The following IPO11 variants were observed in gnomAD, a reference collection of about 807,000 sequenced individuals.
IPO11 encodes the protein importin-11.
IPO11 carries 66 observed loss-of-function variants against 143.2 expected under a neutral mutation model. The ratio of observed to expected loss-of-function variants is 0.46; its 90% CI spans 0.38 to 0.57. The LOEUF (loss-of-function observed/expected upper bound fraction) is 0.57. Ranked by LOEUF, IPO11 falls within the 20% of genes least tolerant of loss-of-function variation. The probability of loss-of-function intolerance (pLI) is 0.00; values close to 1 mark genes in which losing one functional copy is unlikely to be tolerated. For synonymous variants in IPO11, 385 were observed against 377.8 expected, an observed-to-expected ratio of 1.02 and a Z score of -0.22; for missense variants, 1,026 against 1,141.0, an observed-to-expected ratio of 0.90 and a Z score of 1.45.
chr5:62,443,435 G>A (rs1744582085), intron 3 of IPO11, among the ~76,000 whole-genome samples: 1 of 149,196 alleles, frequency 6.7e-6, no homozygotes, highest in African/African-American at 2.5e-5. Context: ...GTGTGCGTGT[G>A]CGTGTGATGT....
intron 2 of IPO11, among the ~76,000 whole-genome samples, chr5:62,439,271 A>T (rs1000923165): frequency 1.3e-5 from 2 of 148,570 alleles, no homozygotes; most frequent in Non-Finnish European, 3.0e-5. Context: ...TATTAATAAT[A>T]CTAACTGCGT....
chr5:62,486,933 C>T lies in IPO11; in HGVS notation c.1219-838C>T, dbSNP rs187750588. Among the ~76,000 whole-genome samples the T allele has an allele frequency of 1.1e-4, 17 of 151,780 alleles. No homozygotes were observed. The East Asian group carries it at 3.3e-3, about 29-fold the overall frequency. ...TTTCAGTGTGTATATTTATAATGTTCCTTTTAAAACACCACACAATACCTT... is the reference window on the plus strand; with the variant it reads ...TTTCAGTGTGTATATTTATAATGTTTCTTTTAAAACACCACACAATACCTT... On this transcript the variant is annotated intron_variant, in intron 12 of 29. Coordinates refer to ENST00000325324, the MANE Select transcript of IPO11 (RefSeq NM_016338.5).
intron 28 of IPO11, among the ~76,000 whole-genome samples, chr5:62,600,717 C>T (rs553267119): frequency 6.6e-5 from 10 of 152,284 alleles, no homozygotes; most frequent in Admixed American, 6.5e-4. Context: ...ATTGCAGCCC[C>T]AGGTCAAGGC....
chr5:62,551,084 A>G (rs1743375520), intron 25 of IPO11, 139 bp from the exon 26 acceptor site: 2 of 449,240 alleles, frequency 4.5e-6, no homozygotes, highest in Non-Finnish European at 4.0e-6. Context: ...GAACTCAGGC[A>G]GTATTGATAG....
chr5:62,468,707 C>T (rs954658213), intron 6 of IPO11, among the ~76,000 whole-genome samples: 4 of 152,112 alleles, frequency 2.6e-5, no homozygotes, highest in African/African-American at 4.8e-5. Flanking sequence ...TAACTCCTGA[C>T]GAAAAAGATG....
At chr5:62,490,956 T>C (rs1211069918) in intron 15 of IPO11, among the ~76,000 whole-genome samples, 1 of 152,146 alleles carries the variant, frequency 6.6e-6, no homozygotes, top group Non-Finnish European at 1.5e-5. Flanking sequence ...ATTTAAGCAC[T>C]TGTCTACTTA....
intron 5 of IPO11, among the ~76,000 whole-genome samples, chr5:62,465,854 GC>G (rs2112190454): frequency 6.6e-6 from 1 of 152,352 alleles, no homozygotes; most frequent in Admixed American, 6.5e-5. Flanking sequence ...CTTCCTGTGG[GC>G]CTTGTCTCAT....
chr5:62,563,779 C>G (rs571257498), intron 27 of IPO11, among the ~76,000 whole-genome samples: 80 of 151,946 alleles, frequency 5.3e-4, no homozygotes, highest in Middle Eastern at 3.4e-3. Flanking sequence ...TTCTGGCACT[C>G]AAAAAAATCT....
chr5:62,485,546 A>G (rs982914412), intron 12 of IPO11, 84 bp downstream of exon 12: 2 of 1,096,124 alleles, frequency 1.8e-6, no homozygotes, highest in Non-Finnish European at 2.7e-6. Context: ...TCTATTAAAG[A>G]TTCCAGACAT....
At chr5:62,579,796 A>G in intron 27 of IPO11, 1 of 1,544,106 alleles carries the variant, frequency 6.5e-7, no homozygotes, top group Non-Finnish European at 8.8e-7. Context: ...TAATAATTTC[A>G]TCAAACGCTT....
intron 26 of IPO11, among the ~76,000 whole-genome samples, chr5:62,556,997 C>G (rs1743596495): frequency 6.6e-6 from 1 of 152,172 alleles, no homozygotes; most frequent in African/African-American, 2.4e-5. Context: ...GATGTATTCA[C>G]ATGTCCAGCC....
At chr5:62,589,415 G>A (rs1185876500) in intron 27 of IPO11, among the ~76,000 whole-genome samples, 3 of 152,080 alleles carry the variant, frequency 2.0e-5, no homozygotes, top group Non-Finnish European at 4.4e-5. Context: ...ATTGGATTGA[G>A]CCGAAGTCAC....
intron 29 of IPO11, among the ~76,000 whole-genome samples, chr5:62,625,733 G>A (rs1746544709): frequency 6.6e-6 from 1 of 152,188 alleles, no homozygotes; most frequent in African/African-American, 2.4e-5. Context: ...GGAGACATCA[G>A]CTTTTATCTC....
chr5:62,472,548 G>A (rs78832778), intron 7 of IPO11, among the ~76,000 whole-genome samples: 1 of 67,750 alleles, frequency 1.5e-5, no homozygotes, highest in Non-Finnish European at 3.1e-5. Context: ...TTTTTTTTTT[G>A]AGACAGTCTC....
intron 16 of IPO11, among the ~76,000 whole-genome samples, chr5:62,498,356 C>T (rs554177034): frequency 6.6e-6 from 1 of 152,166 alleles, no homozygotes; most frequent in African/African-American, 2.4e-5. Flanking sequence ...TTCTCCCTTC[C>T]TTTCCCCTTT....
At chr5:62,625,518 A>C (rs141608330) in intron 29 of IPO11, among the ~76,000 whole-genome samples, 80 of 152,358 alleles carry the variant, frequency 5.3e-4, no homozygotes, top group African/African-American at 1.8e-3. Context: ...TCTCTTGCTA[A>C]TGACTGAAGC....
chr5:62,542,681 G>A (rs1743002557), intron 24 of IPO11, among the ~76,000 whole-genome samples: 1 of 152,142 alleles, frequency 6.6e-6, no homozygotes, highest in African/African-American at 2.4e-5. Context: ...GGAGCAAATG[G>A]TGTAGAGCAA....
intron 22 of IPO11, 96 bp from the exon 23 acceptor site, chr5:62,536,606 C>T: frequency 2.2e-6 from 3 of 1,393,232 alleles, no homozygotes; most frequent in Non-Finnish European, 9.6e-7. Context: ...CTAGAGTATG[C>T]AAATTAGTTT....
chr5:62,584,517 G>A (rs1036509712), intron 27 of IPO11, among the ~76,000 whole-genome samples: 4 of 150,988 alleles, frequency 2.6e-5, no homozygotes, highest in African/African-American at 9.7e-5. Flanking sequence ...GGAGGCTGAG[G>A]TGTGAGGATT....
Sources: gnomAD v4.1 joint callset for allele counts (sites outside exome capture counted in the v4.1 genomes callset) on GRCh38, gnomAD v4.1.1 for gene constraint, MANE v1.5 for transcripts, NCBI Gene and HGNC (gene_info 2026-07-23, HGNC 2026-07-21) for gene names.